EIF4G3: variants seen among roughly 807,000 people sequenced by gnomAD.
The protein encoded by EIF4G3 is eukaryotic translation initiation factor 4 gamma 3.
EIF4G3 carries 34 observed loss-of-function variants against 186.4 expected under a neutral mutation model. That is an observed-to-expected ratio of 0.18 (90% CI 0.14 to 0.24). The LOEUF is 0.24. Among genes scored for constraint, EIF4G3 ranks in the 10% least tolerant of loss-of-function variants. The probability of loss-of-function intolerance (pLI) is 1.00; values close to 1 mark genes in which losing one functional copy is unlikely to be tolerated. For missense variants in EIF4G3, 1,536 were observed against 1,948.5 expected, an observed-to-expected ratio of 0.79 and a Z score of 3.99; for synonymous variants, 673 against 679.5, an observed-to-expected ratio of 0.99 and a Z score of 0.15.
In EIF4G3 at chr1:21,007,524, A is replaced by AC. The variant is rs1557469131; in HGVS notation, c.-66-4717_-66-4716insG. Among the ~76,000 whole-genome samples the AC allele has an allele frequency of 1.7e-3, 240 of 140,478 alleles. 10 individuals are homozygous for AC. Among genetic ancestry groups the AC allele is most frequent in the African/African-American group, 5.9e-3 (224 of 37,700 alleles). 92.2% of individuals were successfully genotyped at this position (140,478 alleles called of 152,430 possible). A position where few individuals can be genotyped will look rare whatever the true frequency, so the allele number is the denominator to read the frequency against. ...ACAATGGGCCCCTCCTTAAAAAAAA[A>AC]AAAAAAAAAAAAACACACTCAAAAA... On this transcript the variant is annotated intron_variant, in intron 4 of 36. Coordinates refer to ENST00000602326, the MANE Select transcript of EIF4G3 (RefSeq NM_001391906.1).
Position 20,950,082 on chromosome 1 carries a change from G to A in EIF4G3, c.744C>T (p.Ser248=). 4 of 1,603,104 alleles carry A rather than the reference G, an allele frequency of 2.5e-6. No individual in the cohort carries two copies. The South Asian group carries it at 3.4e-5, about 13-fold the overall frequency. The change falls in exon 13 of 37, where the codon AGC becomes AGT. Residue 248 remains serine (S), a synonymous_variant. Transcript: ENST00000602326. ...TCTCCACAGTCCCATAAACCACAGG[G>A]CTGTGCTCGGGGACCTGGCTGGGCA... ...QQLPSQVPEH[S]PVVYGTVESA...
In EIF4G3 at chr1:20,895,493, T is replaced by G. The variant is rs1218407767; in HGVS notation, c.2008A>C (p.Lys670Gln). 8 of 1,613,812 alleles carry G rather than the reference T, an allele frequency of 5.0e-6. No homozygotes were observed. Among genetic ancestry groups the G allele is most frequent in the Non-Finnish European group, 5.9e-6 (7 of 1,179,898 alleles). ...TTCTTACCTTCAGTATCAGTAGGCT[T>G]CCAGGATTCTAGAAAGAGGAATATA... The part of the protein sequence containing the change: ...VTFPFKPESW[K>Q]PTDTEGKKQY... Residue 670 changes from lysine (K) to glutamine (Q), a missense_variant, in exon 17 of 37, where the codon AAG (lysine) becomes CAG (glutamine). Transcript: ENST00000602326.
intron 4 of EIF4G3, among the ~76,000 whole-genome samples, chr1:21,034,809 GT>G (rs1424479255): frequency 2.6e-5 from 4 of 151,952 alleles, no homozygotes; most frequent in Non-Finnish European, 4.4e-5. Context: ...ACCGGAGATC[GT>G]GTCCCCAGGA....
At chr1:20,929,558 G>C (rs1227544562) in intron 14 of EIF4G3, 2 of 152,130 alleles carry the variant, frequency 1.3e-5, no homozygotes, top group African/African-American at 4.8e-5. Flanking sequence ...TGTATTAGCA[G>C]AGTTCAAAGG....
In EIF4G3 at chr1:21,158,268, C is replaced by T. The variant is rs543465810; in HGVS notation, c.-272+17907G>A. The stretch of plus-strand genomic sequence containing the variant: ...TCCACTCACTGCAGCCTCCACCTCA[C>T]GGACTCAAGCAATCCACCCACCTCA... On this transcript the variant is annotated intron_variant, in intron 2 of 36. Transcript: ENST00000602326. 4.0e-5 allele frequency among the ~76,000 whole-genome samples: 6 copies of T among 150,100 alleles called. 1 individual carries two copies. Among genetic ancestry groups the T allele is most frequent in the African/African-American group, 1.5e-4 (6 of 40,542 alleles).
At chr1:20,877,262 A>G (rs1197697578) in intron 20 of EIF4G3, among the ~76,000 whole-genome samples, 1 of 152,206 alleles carries the variant, frequency 6.6e-6, no homozygotes, top group African/African-American at 2.4e-5. Flanking sequence ...GGCTACCACA[A>G]TGAAAATGAG....
chr1:20,986,385 T>G (rs1284933633), intron 7 of EIF4G3, among the ~76,000 whole-genome samples: 1 of 152,214 alleles, frequency 6.6e-6, no homozygotes, highest in East Asian at 1.9e-4. Flanking sequence ...ATAAGCTGTG[T>G]TCTTCACTTC....
intron 3 of EIF4G3, among the ~76,000 whole-genome samples, chr1:21,075,997 A>G (rs1354606758): frequency 6.6e-6 from 1 of 152,206 alleles, no homozygotes; most frequent in Non-Finnish European, 1.5e-5. Context: ...AACGAAAGAC[A>G]CCTAACAGAC....
chr1:20,807,351 G>A lies in EIF4G3; in HGVS notation c.4894C>T (p.Arg1632Trp). ...KSVTAFFTWL[R>W]EAEEESEDN ...TCCTCAGACTCCTCTTCTGCTTCCCGCAGCCACGTGAAGAATGCCGTGACA... is the reference window on the plus strand; with the variant it reads ...TCCTCAGACTCCTCTTCTGCTTCCCACAGCCACGTGAAGAATGCCGTGACA... Residue 1632 changes from arginine to tryptophan, a missense_variant, in exon 37 of 37, where the codon CGG (arginine) becomes TGG (tryptophan). Physicochemically the swap from Arg to Trp is moderately radical, Grantham distance 101 (BLOSUM62 -3). Coordinates refer to ENST00000602326, the MANE Select transcript of EIF4G3 (RefSeq NM_001391906.1). 6 of 1,604,180 alleles carry A rather than the reference G, an allele frequency of 3.7e-6. No individual in the cohort carries two copies. Among genetic ancestry groups the A allele is most frequent in the Non-Finnish European group, 5.1e-6 (6 of 1,173,114 alleles).
intron 14 of EIF4G3, among the ~76,000 whole-genome samples, chr1:20,937,549 C>G (rs892051087): frequency 1.5e-4 from 23 of 151,424 alleles, no homozygotes; most frequent in African/African-American, 4.9e-4. Context: ...TAAGCAAGAG[C>G]CAAAAAAACA....
chr1:21,006,053 A>G (rs1299379378), intron 4 of EIF4G3, among the ~76,000 whole-genome samples: 1 of 152,120 alleles, frequency 6.6e-6, no homozygotes, highest in African/African-American at 2.4e-5. Flanking sequence ...TGACAAAGAA[A>G]TTTTGCCAAT....
intron 12 of EIF4G3, among the ~76,000 whole-genome samples, chr1:20,957,160 G>A (rs973571049): frequency 6.6e-6 from 1 of 151,968 alleles, no homozygotes. Context: ...GAGGAAACCC[G>A]GACACTCAAA....
intron 2 of EIF4G3, among the ~76,000 whole-genome samples, chr1:21,162,604 G>C (rs1047515995): frequency 1.3e-5 from 2 of 152,076 alleles, no homozygotes; most frequent in African/African-American, 4.8e-5. Flanking sequence ...TTAGCTGAGT[G>C]TGGTGGTGCA....
intron 3 of EIF4G3, among the ~76,000 whole-genome samples, chr1:21,055,286 A>G (rs2094508885): frequency 6.6e-6 from 1 of 152,176 alleles, no homozygotes; most frequent in Admixed American, 6.5e-5. Flanking sequence ...AATTCTGTAC[A>G]GTGAAATAAA....
chr1:21,063,487 C>T (rs1346434678), intron 3 of EIF4G3, among the ~76,000 whole-genome samples: 1 of 151,940 alleles, frequency 6.6e-6, no homozygotes, highest in Non-Finnish European at 1.5e-5. Context: ...CAAGTAAATA[C>T]ATTCTTAAAA....
intron 7 of EIF4G3, among the ~76,000 whole-genome samples, chr1:20,995,850 A>G (rs777355054): frequency 3.9e-5 from 6 of 152,222 alleles, no homozygotes; most frequent in Non-Finnish European, 5.9e-5. Context: ...GAAAAACACA[A>G]GCATGTGAAC....
chr1:20,887,983 A>T (rs2084770701), intron 18 of EIF4G3, among the ~76,000 whole-genome samples: 1 of 152,196 alleles, frequency 6.6e-6, no homozygotes, highest in Admixed American at 6.5e-5. Flanking sequence ...AATTTAATCC[A>T]TGCATTTGTA....
chr1:20,863,214 C>T (rs1461422549), intron 22 of EIF4G3, among the ~76,000 whole-genome samples: 1 of 151,848 alleles, frequency 6.6e-6, no homozygotes, highest in East Asian at 1.9e-4. Context: ...AAATGTTATG[C>T]TATAGCTTCC....
intron 30 of EIF4G3, among the ~76,000 whole-genome samples, chr1:20,836,173 G>A (rs562252905): frequency 6.6e-6 from 1 of 152,230 alleles, no homozygotes; most frequent in Admixed American, 6.5e-5. Flanking sequence ...GGTAGAGATA[G>A]GGTTTCACCA....
Sources: allele counts gnomAD v4.1 joint callset (sites outside exome capture counted in the v4.1 genomes callset), GRCh38; gene constraint gnomAD v4.1.1; transcripts MANE v1.5; gene names NCBI Gene and HGNC (gene_info 2026-07-23, HGNC 2026-07-21).